STAG2: variants seen among roughly 807,000 people sequenced by gnomAD.
STAG2 encodes the protein STAG2 cohesin complex component, also known as cohesin subunit SA-2.
Under a neutral mutation model 108.1 loss-of-function variants are expected in STAG2, and 14 were observed. That is an observed-to-expected ratio of 0.13 (90% confidence interval 0.09 to 0.20). STAG2 has a LOEUF of 0.20. STAG2 is among the 10% of genes least tolerant of loss of function. The pLI is 1.00. For missense variants in STAG2, 440 were observed against 940.9 expected (o/e 0.47, Z 6.96); for synonymous variants, 307 against 302.7 (o/e 1.01, Z -0.15).
intron 26 of STAG2, 111 bp from the exon 27 acceptor site, chrX:124,077,845 AT>A (rs2058839490): frequency 2.4e-6 from 1 of 412,311 alleles, no homozygotes; most frequent in Admixed American, 5.3e-5. Context: ...TGAAGGCATA[AT>A]TTTGGCTAAA....
At chrX:123,972,782 G>T (rs1163242699) in intron 1 of STAG2, among the ~76,000 whole-genome samples, 1 of 99,723 alleles carries the variant, frequency 1.0e-5, no homozygotes, top group Non-Finnish European at 2.0e-5. Context: ...ACTTTGGGAG[G>T]CTGAGGCTGG....
At chrX:124,019,330 C>T (rs1234361184) in intron 1 of STAG2, among the ~76,000 whole-genome samples, 1 of 110,648 alleles carries the variant, frequency 9.0e-6, no homozygotes, top group Non-Finnish European at 1.9e-5. Context: ...GCTGGGATTA[C>T]AGGCGTGAGC....
intron 34 of STAG2, among the ~76,000 whole-genome samples, chrX:124,098,737 CACTT>C (rs1397393000): frequency 1.8e-5 from 2 of 111,707 alleles, no homozygotes; most frequent in African/African-American, 3.2e-5. Context: ...TCTTTTTAAA[CACTT>C]AATTTTTAAA....
At chrX:124,048,886 A>G in intron 9 of STAG2, 119 bp from the exon 10 acceptor site, 1 of 527,334 alleles carries the variant, frequency 1.9e-6, no homozygotes, top group Non-Finnish European at 3.2e-6. Context: ...TGTCTAGTAT[A>G]ATTCAAAATT....
intron 1 of STAG2, among the ~76,000 whole-genome samples, chrX:124,002,461 G>T: frequency 9.0e-6 from 1 of 111,549 alleles, no homozygotes; most frequent in Admixed American, 9.5e-5. Flanking sequence ...TATATTTGTT[G>T]TATCTTTCCT....
intron 1 of STAG2, among the ~76,000 whole-genome samples, chrX:124,017,237 TCTCA>T (rs1351813861): frequency 1.9e-5 from 2 of 107,988 alleles, no homozygotes; most frequent in Non-Finnish European, 3.8e-5. Flanking sequence ...GGAGATGGAG[TCTCA>T]CTCTGTTGCC....
intron 10 of STAG2, 96 bp downstream of exon 10, chrX:124,049,174 A>G: frequency 1.5e-6 from 1 of 647,159 alleles, no homozygotes; most frequent in Non-Finnish European, 2.4e-6. Flanking sequence ...ATTAGCAGGA[A>G]GAATGTTATA....
Position 124,086,439 on chromosome X carries a change from A to C in STAG2, c.3054-108A>C, listed in dbSNP as rs772145161. ...ACAACATTGTTCATTAATGTCCTGT[A>C]AGGCTGAGTTTGAGTAGTGAAGTAA... On this transcript the variant is annotated intron_variant, in intron 29 of 34. Transcript: ENST00000371145. 5.0e-5 allele frequency: 27 copies of C among 544,543 alleles called. No individual in the cohort carries two copies. In the African/African-American group the frequency reaches 6.3e-4, roughly 13 times the overall value. The allele number at this position is 544,543 out of a possible 1,213,427, so 44.9% of individuals were successfully genotyped here. A position where few individuals can be genotyped will look rare whatever the true frequency, so the allele number is the denominator to read the frequency against.
At chrX:124,043,285 C>T (rs1427685755) in intron 7 of STAG2, among the ~76,000 whole-genome samples, 1 of 108,225 alleles carries the variant, frequency 9.2e-6, no homozygotes, top group African/African-American at 3.4e-5. Context: ...CCCACCACCA[C>T]ACCTGAATAA....
At chrX:124,023,507 AAT>A (rs1374005917) in intron 3 of STAG2, among the ~76,000 whole-genome samples, 4 of 111,541 alleles carry the variant, frequency 3.6e-5, no homozygotes, top group Non-Finnish European at 7.5e-5. Context: ...TCTGGGACCA[AAT>A]ACATTCAGGT....
chrX:123,982,188 A>C (rs1006130491), intron 1 of STAG2, among the ~76,000 whole-genome samples: 5 of 107,990 alleles, frequency 4.6e-5, no homozygotes, highest in Admixed American at 3.0e-4. Flanking sequence ...AAAAAAAAAA[A>C]AAAAAAGCCA....
chrX:123,995,471 G>A (rs764318854), intron 1 of STAG2, among the ~76,000 whole-genome samples: 14 of 111,372 alleles, frequency 1.3e-4, no homozygotes, highest in African/African-American at 4.2e-4. Flanking sequence ...GAGGCGGGTG[G>A]ATCACGAGGT....
chrX:124,034,037 T>G (rs2057430120), intron 5 of STAG2, among the ~76,000 whole-genome samples: 1 of 111,438 alleles, frequency 9.0e-6, no homozygotes. Flanking sequence ...CAACATACAG[T>G]TTGAACACAA....
intron 26 of STAG2, 95 bp from the exon 27 acceptor site, chrX:124,077,862 A>G: frequency 2.0e-6 from 1 of 497,676 alleles, no homozygotes; most frequent in Non-Finnish European, 3.2e-6. Context: ...CTAAATACAT[A>G]CTTTGTGACG....
At chrX:123,976,376 G>A (rs995907561) in intron 1 of STAG2, among the ~76,000 whole-genome samples, 2 of 112,115 alleles carry the variant, frequency 1.8e-5, no homozygotes, top group Non-Finnish European at 3.8e-5. Flanking sequence ...GTATTTGAAT[G>A]TACAATATTG....
Position 124,068,451 on chromosome X carries a change from A to G in STAG2, c.2266-113A>G, listed in dbSNP as rs2058593067. ...AGGAAGAAATTTAAATCAAATGCAG[A>G]AGTAGAGTTAATAAAGCTATGAGAT... On this transcript the variant is annotated intron_variant, in intron 23 of 34. Transcript: ENST00000371145. 3 of 428,115 alleles carry G rather than the reference A, an allele frequency of 7.0e-6. No individual in the cohort carries two copies. In the East Asian group the frequency reaches 1.3e-4, roughly 19 times the overall value. 35.3% of individuals were successfully genotyped at this position (428,115 alleles called of 1,213,427 possible).
chrX:124,043,954 A>G (rs2057798247), intron 7 of STAG2, among the ~76,000 whole-genome samples: 1 of 111,195 alleles, frequency 9.0e-6, no homozygotes. Context: ...TACTCTTCCA[A>G]AATTTTTCGC....
intron 6 of STAG2, among the ~76,000 whole-genome samples, chrX:124,041,760 T>C (rs184571127): frequency 2.6e-4 from 29 of 111,952 alleles, no homozygotes; most frequent in African/African-American, 9.1e-4. Context: ...GGTCTCCACC[T>C]GACTAATGTT....
chrX:124,028,911 C>T (rs1290164951), intron 4 of STAG2, among the ~76,000 whole-genome samples: 5 of 101,105 alleles, frequency 4.9e-5, no homozygotes, highest in Non-Finnish European at 9.9e-5. Context: ...TCTCAACCTC[C>T]GAAAGTATTG....
Sources: allele counts gnomAD v4.1 joint callset (sites outside exome capture counted in the v4.1 genomes callset), GRCh38; gene constraint gnomAD v4.1.1; transcripts MANE v1.5; gene names NCBI Gene and HGNC (gene_info 2026-07-23, HGNC 2026-07-21).